The following AFAP1 variants were observed in gnomAD, a reference collection of about 807,000 sequenced individuals.
AFAP1 encodes the protein actin filament associated protein 1, also known as actin filament-associated protein 1.
AFAP1 carries 75 observed loss-of-function variants against 93.9 expected under a neutral mutation model. The observed-to-expected ratio is 0.80, with a 90% CI of 0.66 to 0.97. AFAP1 has a LOEUF of 0.97. Among genes scored for constraint, AFAP1 ranks in the 50% least tolerant of loss-of-function variants. The probability of loss-of-function intolerance (pLI) is 0.00; values close to 1 mark genes in which losing one functional copy is unlikely to be tolerated. For missense variants in AFAP1, 1,201 were observed against 1,050.8 expected, an observed-to-expected ratio of 1.14 and a Z score of -1.98; for synonymous variants, 517 against 430.7, an observed-to-expected ratio of 1.20 and a Z score of -2.48.
At chr4:7,801,591 C>G (rs184780612) in intron 9 of AFAP1, among the ~76,000 whole-genome samples, 1 of 152,154 alleles carries the variant, frequency 6.6e-6, no homozygotes, top group East Asian at 1.9e-4. Flanking sequence ...CTGCCCCCTT[C>G]CTTTAAGATT....
At chr4:7,874,540 T>TA (rs1717367671) in intron 1 of AFAP1, among the ~76,000 whole-genome samples, 1 of 99,430 alleles carries the variant, frequency 1.0e-5, no homozygotes, top group African/African-American at 3.2e-5. Context: ...ATTTTTTTTT[T>TA]TTTTTTTTTT....
chr4:7,879,399 C>T (rs2149194373), intron 1 of AFAP1, among the ~76,000 whole-genome samples: 1 of 152,308 alleles, frequency 6.6e-6, no homozygotes, highest in African/African-American at 2.4e-5. Flanking sequence ...ACGTGAACCA[C>T]CTCCTCTGTT....
At chr4:7,831,393 TA>T (rs34512873) in intron 6 of AFAP1, among the ~76,000 whole-genome samples, 1,863 of 137,780 alleles carry the variant, frequency 0.014, 14 homozygotes, top group African/African-American at 0.026. Flanking sequence ...CAGCAAATGC[TA>T]AAAAAAAAAA....
intron 13 of AFAP1, among the ~76,000 whole-genome samples, chr4:7,780,917 G>C (rs1716701512): frequency 6.6e-6 from 1 of 152,028 alleles, no homozygotes; most frequent in South Asian, 2.1e-4. Flanking sequence ...CTTTAGACTT[G>C]TCATGGAGAA....
Position 7,843,282 on chromosome 4 carries a change from T to C in AFAP1, c.403A>G (p.Lys135Glu). Residue 135 changes from lysine to glutamate, a missense_variant, in exon 5 of 18, where the codon AAG becomes GAG. Coordinates refer to ENST00000420658, the MANE Select transcript of AFAP1 (RefSeq NM_001134647.2). ...GAGGGCCACTGGTGCCGGGTTTTCT[T>C]CCCCTTCCCATCCTCCTCCTCTTCA... ...YDEEEEDGKG[K>E]KTRHQWPSEE... The C allele has an allele frequency of 6.2e-7, 1 of 1,614,090 alleles. No individual in the cohort carries two copies. The highest frequency in any genetic ancestry group is 1.6e-4 in the Middle Eastern group (1 of 6,062).
chr4:7,760,722 A>C lies in AFAP1; in HGVS notation c.*3043T>G, dbSNP rs1164078271. On this transcript the variant is annotated 3_prime_UTR_variant, in exon 18 of 18. Transcript: ENST00000420658. ...GTTGAAGGCTGATGACACCTTAACAAAATAGAGCCAGGAGCAGAGCCCTGA... is the reference window on the plus strand; with the variant it reads ...GTTGAAGGCTGATGACACCTTAACACAATAGAGCCAGGAGCAGAGCCCTGA... 6.6e-6 allele frequency: 1 copy of C among 152,296 alleles called. No homozygotes were observed. The highest frequency in any genetic ancestry group is 1.5e-5 in the Non-Finnish European group (1 of 68,070). The allele number at this position is 152,296 out of a possible 1,614,324, so 9.4% of individuals were successfully genotyped here.
intron 7 of AFAP1, among the ~76,000 whole-genome samples, chr4:7,816,701 C>A (rs1259292189): frequency 6.6e-6 from 1 of 152,136 alleles, no homozygotes; most frequent in African/African-American, 2.4e-5. Flanking sequence ...ACAGCTAGAC[C>A]CCTTCCATTG....
At position 7,763,724 on chromosome 4, in the gene AFAP1, G is replaced by C. The variant is rs375269484; in HGVS notation, c.*41C>G. 4.5e-6 allele frequency: 7 copies of C among 1,551,292 alleles called. No individual in the cohort carries two copies. The highest frequency in any genetic ancestry group is 2.4e-5 in the South Asian group (2 of 84,030). Reference sequence around the variant, plus strand: ...TCACACAGATGAGGATACAGGCAAGGGGGTGTGCAGTCTCTGAGGCTGGAG... The same window carrying C: ...TCACACAGATGAGGATACAGGCAAGCGGGTGTGCAGTCTCTGAGGCTGGAG... On this transcript the variant is annotated 3_prime_UTR_variant, in exon 18 of 18. Transcript: ENST00000420658.
intron 1 of AFAP1, among the ~76,000 whole-genome samples, chr4:7,913,728 G>C (rs1719906384): frequency 6.6e-6 from 1 of 152,126 alleles, no homozygotes; most frequent in Non-Finnish European, 1.5e-5. Flanking sequence ...CAAGCCTAAA[G>C]TTTTACTTCT....
At chr4:7,777,839 G>A (rs1289529027) in intron 14 of AFAP1, 3 of 152,166 alleles carry the variant, frequency 2.0e-5, no homozygotes, top group Non-Finnish European at 4.4e-5. Flanking sequence ...CTGCATGTGT[G>A]GGTCCGCTGG....
At chr4:7,875,692 T>C (rs1000819369) in intron 1 of AFAP1, among the ~76,000 whole-genome samples, 12 of 151,014 alleles carry the variant, frequency 7.9e-5, no homozygotes, top group African/African-American at 2.7e-4. Context: ...AGATAGAAAA[T>C]GAATGACAAA....
At chr4:7,822,579 CTTTTTT>C (rs1216759210) in intron 6 of AFAP1, among the ~76,000 whole-genome samples, 2 of 106,136 alleles carry the variant, frequency 1.9e-5, no homozygotes, top group Non-Finnish European at 1.9e-5. Flanking sequence ...CTTTCTTTTT[CTTTTTT>C]CTTTTTTTTT....
At chr4:7,787,710 G>C (rs959465337) in intron 11 of AFAP1, among the ~76,000 whole-genome samples, 2 of 152,188 alleles carry the variant, frequency 1.3e-5, no homozygotes, top group African/African-American at 4.8e-5. Context: ...CCTTCAAGGA[G>C]GGCAGGCCGG....
chr4:7,772,950 T>G lies in AFAP1; in HGVS notation c.2123A>C (p.Gln708Pro). 1 of 1,613,624 alleles carries G rather than the reference T, an allele frequency of 6.2e-7. No homozygotes were observed. Among genetic ancestry groups the G allele is most frequent in the South Asian group, 1.1e-5 (1 of 91,084 alleles). ...CAGGCTGACACGCTCCGCCTCCTTC[T>G]GCCGGCACTCCTCCTCCAGCTGCTT... Reference protein sequence around the residue: ...KLKQLEEECRQKEAERVSLEL... With the variant: ...KLKQLEEECRPKEAERVSLEL... Residue 708 changes from glutamine (Q) to proline (P), a missense_variant, in exon 16 of 18, where the codon CAG (glutamine) becomes CCG (proline). Physicochemically the swap from Gln to Pro is moderately conservative, Grantham distance 76. Coordinates refer to ENST00000420658, the MANE Select transcript of AFAP1 (RefSeq NM_001134647.2).
At chr4:7,809,812 A>C (rs1281578331) in intron 8 of AFAP1, 49 bp from the exon 9 acceptor site, 2 of 1,566,168 alleles carry the variant, frequency 1.3e-6, no homozygotes, top group African/African-American at 1.4e-5. Context: ...TGTAGATATT[A>C]ATTGAAAAAA....
intron 1 of AFAP1, among the ~76,000 whole-genome samples, chr4:7,903,687 AAAAAAT>A (rs1230338438): frequency 8.5e-5 from 13 of 152,260 alleles, no homozygotes; most frequent in Non-Finnish European, 1.9e-4. Context: ...TCAAAAAAAT[AAAAAAT>A]AAAAATAAAA....
At chr4:7,917,001 T>TTC (rs143784991) in intron 1 of AFAP1, among the ~76,000 whole-genome samples, 2,984 of 151,774 alleles carry the variant, frequency 0.02, 94 homozygotes, top group African/African-American at 0.067. Context: ...TTTAAAAGTG[T>TTC]TCTCTCTCTC....
At chr4:7,882,548 C>G (rs990335680) in intron 1 of AFAP1, among the ~76,000 whole-genome samples, 2 of 152,158 alleles carry the variant, frequency 1.3e-5, no homozygotes, top group African/African-American at 4.8e-5. Context: ...CTACCATGCC[C>G]TTACCAAATG....
intron 1 of AFAP1, among the ~76,000 whole-genome samples, chr4:7,937,542 A>T (rs1259214308): frequency 3.3e-5 from 5 of 152,226 alleles, no homozygotes; most frequent in Non-Finnish European, 5.9e-5. Flanking sequence ...GCTGGAGTGC[A>T]GTGGAGTTAT....
Sources: allele counts gnomAD v4.1 joint callset (sites outside exome capture counted in the v4.1 genomes callset), GRCh38; gene constraint gnomAD v4.1.1; transcripts MANE v1.5; gene names NCBI Gene and HGNC (gene_info 2026-07-23, HGNC 2026-07-21).